Variants in NHEJ1 observed in about 807,000 individuals in gnomAD.
NHEJ1 encodes the protein non-homologous end joining factor 1.
NHEJ1 carries 22 observed loss-of-function variants against 39.4 expected under a neutral mutation model. That is an observed-to-expected ratio of 0.56 (90% CI 0.40 to 0.80). The LOEUF is 0.80. Among genes scored for constraint, NHEJ1 ranks in the 30% least tolerant of loss-of-function variants. The probability of loss-of-function intolerance (pLI) is 0.00; values close to 1 mark genes in which losing one functional copy is unlikely to be tolerated. For synonymous variants in NHEJ1, 154 were observed against 135.6 expected, an observed-to-expected ratio of 1.14 and a Z score of -0.94; for missense variants, 329 against 357.1, an observed-to-expected ratio of 0.92 and a Z score of 0.63.
At chr2:219,093,447 T>C (rs184315732) in intron 5 of NHEJ1, among the ~76,000 whole-genome samples, 49 of 152,260 alleles carry the variant, frequency 3.2e-4, no homozygotes, top group Non-Finnish European at 6.0e-4. Context: ...TCTTGCAAAA[T>C]GTGTCTTAAA....
chr2:219,089,090 A>G lies in NHEJ1; in HGVS notation c.589-10884T>C, dbSNP rs192361552. 4.9e-4 allele frequency among the ~76,000 whole-genome samples: 74 copies of G among 152,302 alleles called. No individual in the cohort carries two copies. The East Asian group carries it at 0.012, about 24-fold the overall frequency. ...CGCCTCAGCCTCCCAAAGTGCTCGG[A>G]TTACAGGCATGAGCCATTGCGCCCA... On this transcript the variant is annotated intron_variant, in intron 5 of 7. Transcript: ENST00000356853.
Position 219,076,034 on chromosome 2 carries a change from G to A in NHEJ1, c.*347C>T. The A allele has an allele frequency of 6.4e-6, 3 of 465,570 alleles. No homozygotes were observed. The highest frequency in any genetic ancestry group is 3.6e-5 in the Admixed American group (1 of 27,542). The allele number at this position is 465,570 out of a possible 1,614,324, so 28.8% of individuals were successfully genotyped here. A position where few individuals can be genotyped will look rare whatever the true frequency, so the allele number is the denominator to read the frequency against. Reference sequence around the variant, plus strand: ...AGTGGGTCTCTGAGGAGTATCTGGGGCTGGCTGGCTAGAGACGCTAGGGAA... The same window carrying A: ...AGTGGGTCTCTGAGGAGTATCTGGGACTGGCTGGCTAGAGACGCTAGGGAA... On this transcript the variant is annotated 3_prime_UTR_variant, in exon 8 of 8. Coordinates refer to ENST00000356853, the MANE Select transcript of NHEJ1 (RefSeq NM_024782.3).
chr2:219,081,238 A>G (rs1278632151), intron 5 of NHEJ1, among the ~76,000 whole-genome samples: 1 of 152,070 alleles, frequency 6.6e-6, no homozygotes, highest in African/African-American at 2.4e-5. Flanking sequence ...TAGGGAAGAG[A>G]GGTGGAGAGG....
At chr2:219,141,361 C>T (rs1401740636) in intron 5 of NHEJ1, among the ~76,000 whole-genome samples, 1 of 140,100 alleles carries the variant, frequency 7.1e-6, no homozygotes, top group African/African-American at 2.8e-5. Flanking sequence ...GCCTGGGCAA[C>T]AGAGTGAGAC....
chr2:219,132,033 C>T (rs1307249145), intron 5 of NHEJ1, among the ~76,000 whole-genome samples: 1 of 152,216 alleles, frequency 6.6e-6, no homozygotes, highest in African/African-American at 2.4e-5. Context: ...TCCTTATGGA[C>T]CCCAATTTCC....
rs571168266 is a variant in NHEJ1 at position 219,072,545 on chromosome 2, T to C, written c.*3836A>G. Among the ~76,000 whole-genome samples, 4 of 152,070 alleles carry C rather than the reference T, an allele frequency of 2.6e-5. No homozygotes were observed. In the South Asian group the frequency reaches 8.3e-4, roughly 32 times the overall value. ...ATATCCTGATTGTATCAAAACCTAG[T>C]TGACATAAAATTATATTTGTTAATG... On this transcript the variant is annotated 3_prime_UTR_variant, in exon 8 of 8. Coordinates refer to ENST00000356853, the MANE Select transcript of NHEJ1 (RefSeq NM_024782.3).
intron 3 of NHEJ1, among the ~76,000 whole-genome samples, chr2:219,152,773 T>C (rs918327218): frequency 1.3e-5 from 1 of 74,628 alleles, no homozygotes; most frequent in Non-Finnish European, 3.4e-5. Context: ...GGGATCTCTT[T>C]CATTTATTTA....
chr2:219,076,052 C>T lies in NHEJ1; in HGVS notation c.*329G>A, dbSNP rs114797422. ...ATCTGGGGCTGGCTGGCTAGAGACGCTAGGGAAAGGTAGACAAGGCTTCCT... is the reference window on the plus strand; with the variant it reads ...ATCTGGGGCTGGCTGGCTAGAGACGTTAGGGAAAGGTAGACAAGGCTTCCT... On this transcript the variant is annotated 3_prime_UTR_variant, in exon 8 of 8. Coordinates refer to ENST00000356853, the MANE Select transcript of NHEJ1 (RefSeq NM_024782.3). 1,654 of 495,122 alleles carry T rather than the reference C, an allele frequency of 3.3e-3. 31 individuals are homozygous for T. Among genetic ancestry groups the T allele is most frequent in the African/African-American group, 0.028 (1,460 of 51,840 alleles). 30.7% of individuals were successfully genotyped at this position (495,122 alleles called of 1,614,324 possible). A position where few individuals can be genotyped will look rare whatever the true frequency, so the allele number is the denominator to read the frequency against.
In NHEJ1 at chr2:219,071,412, C is replaced by T. The variant is rs974093475; in HGVS notation, c.*4969G>A. Among the ~76,000 whole-genome samples, 1 of 152,270 alleles carries T rather than the reference C, an allele frequency of 6.6e-6. No individual in the cohort carries two copies. Among genetic ancestry groups the T allele is most frequent in the Non-Finnish European group, 1.5e-5 (1 of 68,020 alleles). ...GGTTGAAATTTAACCACAATATTCT[C>T]GGTCTCTATTGTTTTGAGTGAGGCC... On this transcript the variant is annotated 3_prime_UTR_variant, in exon 8 of 8. Coordinates refer to ENST00000356853, the MANE Select transcript of NHEJ1 (RefSeq NM_024782.3).
At chr2:219,087,501 T>A (rs1330617959) in intron 5 of NHEJ1, among the ~76,000 whole-genome samples, 2 of 152,102 alleles carry the variant, frequency 1.3e-5, no homozygotes, top group African/African-American at 4.8e-5. Context: ...AAGGATTCTC[T>A]TTCACTCCAG....
rs1443290498 is a variant in NHEJ1 at position 219,072,857 on chromosome 2, T to A, written c.*3524A>T. Among the ~76,000 whole-genome samples the A allele has an allele frequency of 6.6e-6, 1 of 152,148 alleles. No individual in the cohort carries two copies. Among genetic ancestry groups the A allele is most frequent in the Non-Finnish European group, 1.5e-5 (1 of 68,018 alleles). On this transcript the variant is annotated 3_prime_UTR_variant, in exon 8 of 8. Transcript: ENST00000356853. ...AGAATAAACAGAGAGAGGAAAATGC[T>A]CCTAGTGACAATGTAAGGAACGAAA...
At chr2:219,159,375 GT>G (rs1166667709) in intron 1 of NHEJ1, 1 of 151,526 alleles carries the variant, frequency 6.6e-6, no homozygotes, top group Non-Finnish European at 1.5e-5. Flanking sequence ...CATTATTCCA[GT>G]CTACAAATAT....
chr2:219,127,761 C>T (rs2106349042), intron 5 of NHEJ1, among the ~76,000 whole-genome samples: 1 of 152,344 alleles, frequency 6.6e-6, no homozygotes, highest in Non-Finnish European at 1.5e-5. Flanking sequence ...TGAAAACATT[C>T]ATTCCTTTTC....
rs17608677 is a variant in NHEJ1, at chr2:219,072,149, C to T, written c.*4232G>A. Among the ~76,000 whole-genome samples the T allele has an allele frequency of 0.1, 15,233 of 152,206 alleles. 759 individuals carry two copies. Among genetic ancestry groups the T allele is most frequent in the East Asian group, 0.14 (750 of 5,180 alleles). Reference sequence around the variant, plus strand: ...CATACCCTCCATGCACTGGATGTTCCGCTCATGGTGAGATCTTCTGAGGCC... The same window carrying T: ...CATACCCTCCATGCACTGGATGTTCTGCTCATGGTGAGATCTTCTGAGGCC... On this transcript the variant is annotated 3_prime_UTR_variant, in exon 8 of 8. Coordinates refer to ENST00000356853, the MANE Select transcript of NHEJ1 (RefSeq NM_024782.3).
In NHEJ1 at chr2:219,157,648, A is replaced by G; in HGVS notation, c.214T>C (p.Phe72Leu). 1 of 1,614,140 alleles carries G rather than the reference A, an allele frequency of 6.2e-7. No individual in the cohort carries two copies. The highest frequency in any genetic ancestry group is 8.5e-7 in the Non-Finnish European group (1 of 1,180,018). ...NKRLTAPPAA[F>L]LCHLDNLLRP... ...AGGAGATTATCCAAATGACAGAGGA[A>G]AGCTGCAGGAGGAGCAGTGAGCCGC... The change falls in exon 3 of 8, where the codon TTC becomes CTC. Residue 72 changes from phenylalanine to leucine, a missense_variant. Coordinates refer to ENST00000356853, the MANE Select transcript of NHEJ1 (RefSeq NM_024782.3).
intron 5 of NHEJ1, among the ~76,000 whole-genome samples, chr2:219,138,850 T>C (rs1949662770): frequency 1.3e-5 from 2 of 152,074 alleles, no homozygotes; most frequent in Admixed American, 1.3e-4. Flanking sequence ...AAAAAGACAT[T>C]GTTGTAGTCC....
chr2:219,104,701 A>ACC (rs202193108), intron 5 of NHEJ1, among the ~76,000 whole-genome samples: 5 of 149,492 alleles, frequency 3.3e-5, no homozygotes, highest in Admixed American at 6.7e-5. Context: ...TCCAAAAGGC[A>ACC]CCCCCCCACA....
chr2:219,158,749 T>C, intron 1 of NHEJ1: 1 of 264,492 alleles, frequency 3.8e-6, no homozygotes, highest in Non-Finnish European at 7.4e-6. Flanking sequence ...ACTCCTATCC[T>C]TTCCCAGAAC....
intron 5 of NHEJ1, among the ~76,000 whole-genome samples, chr2:219,085,851 T>C (rs975322637): frequency 3.3e-5 from 5 of 152,006 alleles, no homozygotes; most frequent in Admixed American, 6.6e-5. Flanking sequence ...CAAAATGAGA[T>C]AATTTTGCTG....
Sources: allele counts gnomAD v4.1 joint callset (sites outside exome capture counted in the v4.1 genomes callset), GRCh38; gene constraint gnomAD v4.1.1; transcripts MANE v1.5; gene names NCBI Gene and HGNC (gene_info 2026-07-23, HGNC 2026-07-21).